The following LSAMP variants were observed in gnomAD, a reference collection of about 807,000 sequenced individuals.
LSAMP encodes the protein limbic system-associated membrane protein.
LSAMP carries 7 observed loss-of-function variants against 38.6 expected under a neutral mutation model. The ratio of observed to expected loss-of-function variants is 0.18; its 90% confidence interval spans 0.10 to 0.34. LSAMP has a LOEUF of 0.34. Among genes scored for constraint, LSAMP ranks in the 10% least tolerant of loss-of-function variants. The pLI is 1.00. For missense variants in LSAMP, 313 were observed against 420.0 expected (o/e 0.75, Z 2.23); for synonymous variants, 154 against 166.8 (o/e 0.92, Z 0.59).
chr3:116,118,156 T>C (rs1708795108), intron 1 of LSAMP, among the ~76,000 whole-genome samples: 1 of 152,186 alleles, frequency 6.6e-6, no homozygotes, highest in African/African-American at 2.4e-5. Flanking sequence ...TACAGAGACC[T>C]TGTTTTCCCT....
At chr3:115,896,366 C>T (rs1008127659) in intron 3 of LSAMP, among the ~76,000 whole-genome samples, 1 of 152,192 alleles carries the variant, frequency 6.6e-6, no homozygotes, top group East Asian at 1.9e-4. Flanking sequence ...AAATTGATTG[C>T]TACTCAGTTC....
At chr3:116,396,329 T>A (rs772052348) in intron 1 of LSAMP, among the ~76,000 whole-genome samples, 1 of 152,206 alleles carries the variant, frequency 6.6e-6, no homozygotes, top group African/African-American at 2.4e-5. Flanking sequence ...AACAGTTTTG[T>A]GTTCTTACTT....
chr3:116,293,719 T>A (rs1423502514), intron 1 of LSAMP, among the ~76,000 whole-genome samples: 1 of 152,170 alleles, frequency 6.6e-6, no homozygotes, highest in Admixed American at 6.5e-5. Context: ...TATAGTGAGA[T>A]ATATGGAGTT....
In LSAMP at chr3:116,297,710, A is replaced by G. The variant is rs112041959; in HGVS notation, c.155+147167T>C. 6.9e-3 allele frequency among the ~76,000 whole-genome samples: 1,048 copies of G among 152,292 alleles called. 7 individuals carry two copies. Among genetic ancestry groups the G allele is most frequent in the Middle Eastern group, 0.024 (7 of 294 alleles). ...AAACATGGGGTGATTTGAAGACACT[A>G]AAAAATTGATAAAAGTCAACTAACT... On this transcript the variant is annotated intron_variant, in intron 1 of 6. Coordinates refer to ENST00000490035, the MANE Select transcript of LSAMP (RefSeq NM_002338.5).
chr3:116,207,079 T>A (rs1184637652), intron 1 of LSAMP, among the ~76,000 whole-genome samples: 1 of 152,068 alleles, frequency 6.6e-6, no homozygotes, highest in African/African-American at 2.4e-5. Flanking sequence ...TTTATGAATC[T>A]GGGTGCTACT....
At chr3:116,424,541 G>A (rs1200968087) in intron 1 of LSAMP, among the ~76,000 whole-genome samples, 6 of 152,158 alleles carry the variant, frequency 3.9e-5, no homozygotes, top group Non-Finnish European at 8.8e-5. Flanking sequence ...CCCAGAATAC[G>A]GCAGTACATG....
chr3:116,092,897 A>T (rs1708154751), intron 1 of LSAMP, among the ~76,000 whole-genome samples: 1 of 152,216 alleles, frequency 6.6e-6, no homozygotes, highest in African/African-American at 2.4e-5. Context: ...GACACATTTC[A>T]TATTTAACAA....
chr3:116,274,703 G>C (rs1227084995), intron 1 of LSAMP, among the ~76,000 whole-genome samples: 1 of 151,344 alleles, frequency 6.6e-6, no homozygotes, highest in African/African-American at 2.4e-5. Context: ...TACTTCCTTG[G>C]CTTTTTTTTT....
intron 3 of LSAMP, among the ~76,000 whole-genome samples, chr3:115,862,183 G>T (rs1267997231): frequency 6.9e-6 from 1 of 145,390 alleles, no homozygotes; most frequent in Non-Finnish European, 1.5e-5. Context: ...TCAGAACTGT[G>T]GGGGTATTAC....
intron 1 of LSAMP, among the ~76,000 whole-genome samples, chr3:116,317,955 GTGA>G (rs2107726011): frequency 6.6e-6 from 1 of 151,556 alleles, no homozygotes; most frequent in African/African-American, 2.4e-5. Context: ...GGCCAACATG[GTGA>G]AACCCTATCT....
At chr3:116,312,758 C>A (rs1342079872) in intron 1 of LSAMP, among the ~76,000 whole-genome samples, 1 of 152,084 alleles carries the variant, frequency 6.6e-6, no homozygotes, top group South Asian at 2.1e-4. Context: ...CATAATACAG[C>A]AATGATGTAT....
Position 116,366,035 on chromosome 3 carries a change from A to AAAAAG in LSAMP, c.155+78837_155+78841dup, listed in dbSNP as rs1553727877. 3.3e-3 allele frequency among the ~76,000 whole-genome samples: 479 copies of AAAAAG among 144,776 alleles called. 7 individuals carry two copies. The highest frequency in any genetic ancestry group is 5.9e-3 in the Non-Finnish European group (390 of 65,634). 95.0% of individuals were successfully genotyped at this position (144,776 alleles called of 152,430 possible). A position where few individuals can be genotyped will look rare whatever the true frequency, so the allele number is the denominator to read the frequency against. On this transcript the variant is annotated intron_variant, in intron 1 of 6. Transcript: ENST00000490035. ...TAATAAAAAAAAAAAAAAAAAAAAA[A>AAAAAG]AAAAGAACTTCTGCACAGCAAAAGA...
chr3:116,282,352 G>GA (rs959219229), intron 1 of LSAMP, among the ~76,000 whole-genome samples: 84 of 149,228 alleles, frequency 5.6e-4, no homozygotes, highest in South Asian at 1.7e-3. Flanking sequence ...TTTAGGATTT[G>GA]AAAAAAAAAA....
intron 2 of LSAMP, among the ~76,000 whole-genome samples, chr3:116,074,364 G>T (rs1707682619): frequency 6.6e-6 from 1 of 152,164 alleles, no homozygotes; most frequent in Non-Finnish European, 1.5e-5. Context: ...TATTTCTCAT[G>T]AAATGACCTT....
At chr3:116,436,517 A>G (rs2049350906) in intron 1 of LSAMP, among the ~76,000 whole-genome samples, 1 of 152,190 alleles carries the variant, frequency 6.6e-6, no homozygotes, top group Non-Finnish European at 1.5e-5. Flanking sequence ...AATCCCATCA[A>G]AAAGTGGGCT....
intron 3 of LSAMP, among the ~76,000 whole-genome samples, chr3:115,928,268 T>C (rs1159541382): frequency 6.6e-6 from 1 of 152,222 alleles, no homozygotes; most frequent in African/African-American, 2.4e-5. Flanking sequence ...TTACTTCTCA[T>C]ATTTGCTTCT....
intron 3 of LSAMP, among the ~76,000 whole-genome samples, chr3:115,867,493 G>C (rs1371213039): frequency 6.6e-6 from 1 of 152,040 alleles, no homozygotes; most frequent in Non-Finnish European, 1.5e-5. Flanking sequence ...GTGGCTCTCA[G>C]GGAACATTAT....
At chr3:115,861,095 CTCCCTCT>C (rs1935668697) in intron 3 of LSAMP, among the ~76,000 whole-genome samples, 1 of 62,138 alleles carries the variant, frequency 1.6e-5, no homozygotes, top group Admixed American at 2.1e-4. Context: ...CCCTCCCTCT[CTCCCTCT>C]TTCCTCCCCT....
At chr3:116,150,757 A>G (rs1464746520) in intron 1 of LSAMP, among the ~76,000 whole-genome samples, 1 of 151,988 alleles carries the variant, frequency 6.6e-6, no homozygotes, top group Non-Finnish European at 1.5e-5. Context: ...TTTTAACTTG[A>G]CCCTGAAATG....
Sources: allele counts gnomAD v4.1 joint callset (sites outside exome capture counted in the v4.1 genomes callset), GRCh38; gene constraint gnomAD v4.1.1; transcripts MANE v1.5; gene names NCBI Gene and HGNC (gene_info 2026-07-23, HGNC 2026-07-21).